The following PLCH2 variants were observed in gnomAD, a reference collection of about 807,000 sequenced individuals.
PLCH2 encodes the protein 1-phosphatidylinositol 4,5-bisphosphate phosphodiesterase eta-2.
A neutral mutation model predicts 134.7 loss-of-function variants in PLCH2; 98 were observed. The observed-to-expected ratio is 0.73, with a 90% confidence interval of 0.62 to 0.86. PLCH2 has a LOEUF of 0.86. Ranked by LOEUF, PLCH2 falls within the 40% of genes least tolerant of loss-of-function variation. PLCH2 has a pLI of 0.00. For synonymous variants in PLCH2, 974 were observed against 827.5 expected, an observed-to-expected ratio of 1.18 and a Z score of -3.04; for missense variants, 1,994 against 1,986.6, an observed-to-expected ratio of 1.00 and a Z score of -0.07.
At position 2,505,465 on chromosome 1, in the gene PLCH2, T is replaced by C. The variant is rs1220628496; in HGVS notation, c.*252T>C. 1 of 527,654 alleles carries C rather than the reference T, an allele frequency of 1.9e-6. No individual in the cohort carries two copies. The highest frequency in any genetic ancestry group is 3.7e-5 in the Admixed American group (1 of 26,774). The allele number at this position is 527,654 out of a possible 1,614,324, so 32.7% of individuals were successfully genotyped here. On this transcript the variant is annotated 3_prime_UTR_variant, in exon 22 of 22. Coordinates refer to ENST00000378486, the MANE Select transcript of PLCH2 (RefSeq NM_014638.4). ...TTCCCGGCGTTTTAGGATCTGTACATAGAGAAATATTTAAATTTTTAGAAG... is the reference window on the plus strand; with the variant it reads ...TTCCCGGCGTTTTAGGATCTGTACACAGAGAAATATTTAAATTTTTAGAAG...
chr1:2,486,889 GC>G lies in PLCH2; in HGVS notation c.817-14del. On this transcript the variant is annotated splice_polypyrimidine_tract_variant and intron_variant, in intron 5 of 21. Coordinates refer to ENST00000378486, the MANE Select transcript of PLCH2 (RefSeq NM_014638.4). ...CCAGGGATGGGCTGCCTGGACTCAT[GC>G]CCCTGCTCTGGCCTAGATGGCGGGT... The G allele has an allele frequency of 6.3e-7, 1 of 1,586,342 alleles. No homozygotes were observed. The highest frequency in any genetic ancestry group is 8.6e-7 in the Non-Finnish European group (1 of 1,165,992).
chr1:2,453,028 G>A (rs563070521), intron 2 of PLCH2, among the ~76,000 whole-genome samples: 8 of 151,604 alleles, frequency 5.3e-5, no homozygotes, highest in South Asian at 2.1e-4. Context: ...GGCTCACCCC[G>A]CCCTTCCCCG....
chr1:2,497,693 C>A, intron 16 of PLCH2, 84 bp downstream of exon 16: 1 of 960,622 alleles, frequency 1.0e-6, no homozygotes, highest in South Asian at 1.6e-5. Context: ...ATCGGAGCCC[C>A]ACAGGCTAGC....
chr1:2,436,677 G>T (rs1455574310), intron 2 of PLCH2, among the ~76,000 whole-genome samples: 2 of 152,210 alleles, frequency 1.3e-5, no homozygotes, highest in East Asian at 3.9e-4. Context: ...GAGAGGCAGG[G>T]GTGGGTGGCT....
rs778324197 is a variant in PLCH2 at position 2,502,407 on chromosome 1, G to A, written c.2957G>A (p.Arg986Gln). ...AQEGPGSGSP[R>Q]DTRPLSTQRP... ...GAGGGGCCCGGCAGCGGCAGCCCCC[G>A]AGGTAAGGCGCCAGCTGCGGTGGCA... is the stretch of plus-strand genomic sequence containing the variant. The change falls in exon 21 of 22, where the codon CGA becomes CAA. Residue 986 changes from arginine to glutamine, a missense_variant and splice_region_variant. Arg to Gln is a conservative substitution (Grantham distance 43). This residue lies in a region of PLCH2 where 900 missense variants were observed against 752.3 expected (regional missense o/e 1.20). Transcript: ENST00000378486. 2.6e-6 allele frequency: 4 copies of A among 1,543,808 alleles called. No individual in the cohort carries two copies. Among genetic ancestry groups the A allele is most frequent in the East Asian group, 2.4e-5 (1 of 40,892 alleles).
At chr1:2,499,374 C>T in intron 19 of PLCH2, 144 bp downstream of exon 19, 1 of 1,079,992 alleles carries the variant, frequency 9.3e-7, no homozygotes, top group Non-Finnish European at 1.3e-6. Context: ...GGGAGGAGAG[C>T]CAGCCTGGGG....
upstream of PLCH2, among the ~76,000 whole-genome samples, chr1:2,472,853 TC>T (rs1641396832): frequency 6.7e-6 from 1 of 149,600 alleles, no homozygotes. Flanking sequence ...GCATGTGCAG[TC>T]CCCATGCCCC....
chr1:2,499,321 AGGTG>A, intron 19 of PLCH2, 91 bp downstream of exon 19: 1 of 1,441,544 alleles, frequency 6.9e-7, no homozygotes, highest in Non-Finnish European at 9.5e-7. Context: ...GTGCCTGTGT[AGGTG>A]GGCCTGCACC....
chr1:2,483,526 G>T (rs1278664788), intron 4 of PLCH2, among the ~76,000 whole-genome samples: 1 of 152,150 alleles, frequency 6.6e-6, no homozygotes, highest in Non-Finnish European at 1.5e-5. Context: ...CTGAGCTGGG[G>T]TGTCACACTG....
chr1:2,489,826 G>T lies in PLCH2; in HGVS notation c.1474G>T (p.Ala492Ser), dbSNP rs1642471731. 6.2e-7 allele frequency: 1 copy of T among 1,613,636 alleles called. No individual in the cohort carries two copies. Among genetic ancestry groups the T allele is most frequent in the African/African-American group, 1.3e-5 (1 of 74,952 alleles). ...AGGCGAGGTGTCTGATGAGGACAGT[G>T]CTGATGAGATTGACGATGACTGCAA... The part of the protein sequence containing the change: ...EEGEVSDEDS[A>S]DEIDDDCKLL... The change falls in exon 10 of 22, where the codon GCT (alanine) becomes TCT (serine). Residue 492 changes from alanine (A) to serine (S), a missense_variant. Ala to Ser is a moderately conservative substitution (Grantham distance 99). Coordinates refer to ENST00000378486, the MANE Select transcript of PLCH2 (RefSeq NM_014638.4).
At chr1:2,453,132 G>A (rs1024302727) in intron 2 of PLCH2, among the ~76,000 whole-genome samples, 9 of 152,186 alleles carry the variant, frequency 5.9e-5, no homozygotes, top group South Asian at 2.1e-4. Context: ...ATCCCCCACC[G>A]TGCTACAAGC....
Position 2,505,341 on chromosome 1 carries a change from C to A in PLCH2, c.*128C>A. The A allele has an allele frequency of 1.5e-6, 1 of 660,118 alleles. No homozygotes were observed. Among genetic ancestry groups the A allele is most frequent in the Non-Finnish European group, 2.5e-6 (1 of 399,676 alleles). The allele number at this position is 660,118 out of a possible 1,614,324, so 40.9% of individuals were successfully genotyped here. A position where few individuals can be genotyped will look rare whatever the true frequency, so the allele number is the denominator to read the frequency against. ...CCTGGCTGCCCTGTGTCCCCTCCACCCCTGCCTCCCTCCTGCCCCTGCTCC... is the reference window on the plus strand; with the variant it reads ...CCTGGCTGCCCTGTGTCCCCTCCACACCTGCCTCCCTCCTGCCCCTGCTCC... On this transcript the variant is annotated 3_prime_UTR_variant, in exon 22 of 22. Coordinates refer to ENST00000378486, the MANE Select transcript of PLCH2 (RefSeq NM_014638.4).
intron 8 of PLCH2, 54 bp downstream of exon 8, chr1:2,487,772 C>T: frequency 1.3e-6 from 2 of 1,562,300 alleles, no homozygotes; most frequent in South Asian, 2.3e-5. Flanking sequence ...GGTAGGGTCT[C>T]CAGGCTCTAG....
At chr1:2,480,774 G>A (rs1280955958) in intron 4 of PLCH2, among the ~76,000 whole-genome samples, 3 of 152,264 alleles carry the variant, frequency 2.0e-5, no homozygotes, top group Non-Finnish European at 4.4e-5. Context: ...GATGTTAGGA[G>A]TTATGAAAAT....
intron 13 of PLCH2, 34 bp from the exon 14 acceptor site, chr1:2,496,573 C>T (rs746613508): frequency 1.6e-5 from 25 of 1,559,430 alleles, no homozygotes; most frequent in Middle Eastern, 1.9e-4. Context: ...TGGCCCTGGA[C>T]GGGAGGGGTT....
rs1639607785 is a variant in PLCH2, at chr1:2,439,862, G to A, written c.115+9233G>A. On this transcript the variant is annotated intron_variant, in intron 2 of 3. Transcript: ENST00000609981. The surrounding 1 kb of genome is among the most constrained non-coding windows in gnomAD (Gnocchi z 4.7). ...GAGTGTTCGAGGGCAGCGGGCACGC[G>A]GCTCCCTGCCTGCAGGGACCTCATG... Among the ~76,000 whole-genome samples, 1 of 152,074 alleles carries A rather than the reference G, an allele frequency of 6.6e-6. No homozygotes were observed. The highest frequency in any genetic ancestry group is 2.4e-5 in the African/African-American group (1 of 41,420).
intron 2 of PLCH2, among the ~76,000 whole-genome samples, chr1:2,459,487 TCCTGGTGG>T (rs1640682823): frequency 1.5e-5 from 1 of 65,070 alleles, no homozygotes; most frequent in African/African-American, 5.3e-5. Flanking sequence ...TGGTCCTCCT[TCCTGGTGG>T]TCCTCCTTCC....
rs907240344 is a variant in PLCH2 at position 2,444,157 on chromosome 1, C to G, written c.115+13528C>G. Among the ~76,000 whole-genome samples, 2 of 152,278 alleles carry G rather than the reference C, an allele frequency of 1.3e-5. No homozygotes were observed. Among genetic ancestry groups the G allele is most frequent in the Admixed American group, 1.3e-4 (2 of 15,302 alleles). ...GGGACTGTGGGCGGGACGGGCGGAG[C>G]GGTCTTGAGCTCTCCGGATGGCCTC... On this transcript the variant is annotated intron_variant, in intron 2 of 3. Coordinates refer to the PLCH2 transcript ENST00000609981. The surrounding 1 kb of genome is among the most constrained non-coding windows in gnomAD (Gnocchi z 4.6).
At chr1:2,419,971 C>T in the PLCH2 span, among the ~76,000 whole-genome samples, 2 of 137,222 alleles carry the variant, frequency 1.5e-5, no homozygotes, top group South Asian at 2.4e-4. Context: ...GTCCCCCCCC[C>T]ACCCCCAGGC....
Sources: allele counts gnomAD v4.1 joint callset (sites outside exome capture counted in the v4.1 genomes callset), GRCh38; gene constraint gnomAD v4.1.1; regional missense constraint gnomAD v4.1.1; non-coding constraint Gnocchi (gnomAD v3.1); transcripts MANE v1.5; gene names NCBI Gene and HGNC (gene_info 2026-07-23, HGNC 2026-07-21).